Variants in STAG1 observed in about 807,000 individuals in gnomAD.
The protein encoded by STAG1 is STAG1 cohesin complex component.
In STAG1, 26 loss-of-function variants were observed where a neutral mutation model predicts 170.9. The observed-to-expected ratio is 0.15, with a 90% CI of 0.11 to 0.21. The LOEUF (loss-of-function observed/expected upper bound fraction) is 0.21. Ranked by LOEUF, STAG1 falls within the 10% of genes least tolerant of loss-of-function variation. The pLI is 1.00. For missense variants in STAG1, 964 were observed against 1,509.5 expected (o/e 0.64, Z 5.99); for synonymous variants, 514 against 497.7 (o/e 1.03, Z -0.44).
intron 24 of STAG1, among the ~76,000 whole-genome samples, chr3:136,367,925 T>C (rs1318702365): frequency 1.3e-5 from 2 of 152,172 alleles, no homozygotes; most frequent in Non-Finnish European, 1.5e-5. Flanking sequence ...GATGATAACA[T>C]TTGTTTCAGG....
At chr3:136,627,492 T>C (rs1940158574) in intron 2 of STAG1, among the ~76,000 whole-genome samples, 1 of 152,218 alleles carries the variant, frequency 6.6e-6, no homozygotes, top group Non-Finnish European at 1.5e-5. Context: ...TTTAGATTCC[T>C]GAATGGCACT....
chr3:136,456,168 A>T (rs1405794461), intron 13 of STAG1, among the ~76,000 whole-genome samples: 1 of 152,256 alleles, frequency 6.6e-6, no homozygotes, highest in Non-Finnish European at 1.5e-5. Context: ...CAACAGATCC[A>T]GAAAAACTGA....
chr3:136,349,180 T>G lies in STAG1; in HGVS notation c.3249A>C (p.Pro1083=). Reference sequence around the variant, plus strand: ...TACCTTCTACTCGTTTTTTATGAAGTGGAGGTCGTCCTTTCTTATTCCTTA... The same window carrying G: ...TACCTTCTACTCGTTTTTTATGAAGGGGAGGTCGTCCTTTCTTATTCCTTA... ...SSVRNKKGRP[P]LHKKRVEDES... is the part of the protein sequence containing the mutation. The change falls in exon 29 of 34, where the codon CCA becomes CCC. Residue 1083 remains proline (P), a synonymous_variant. Coordinates refer to ENST00000383202, the MANE Select transcript of STAG1 (RefSeq NM_005862.3). 6.2e-7 allele frequency: 1 copy of G among 1,614,094 alleles called. No individual in the cohort carries two copies. Among genetic ancestry groups the G allele is most frequent in the Non-Finnish European group, 8.5e-7 (1 of 1,179,940 alleles).
chr3:136,624,158 G>A (rs1294012001), intron 2 of STAG1, among the ~76,000 whole-genome samples: 1 of 151,654 alleles, frequency 6.6e-6, no homozygotes, highest in Non-Finnish European at 1.5e-5. Context: ...GAGTGCAGTG[G>A]CACAATCTCA....
intron 7 of STAG1, among the ~76,000 whole-genome samples, chr3:136,519,654 C>A (rs952947433): frequency 9.3e-5 from 14 of 150,768 alleles, no homozygotes; most frequent in African/African-American, 2.9e-4. Flanking sequence ...AGAAAAAAAG[C>A]AACGACCAAA....
intron 3 of STAG1, among the ~76,000 whole-genome samples, chr3:136,616,268 C>CA (rs367863678): frequency 2.4e-3 from 292 of 122,000 alleles, no homozygotes; most frequent in South Asian, 6.0e-3. Flanking sequence ...GACTCCGTCT[C>CA]AAAAAAAAAA....
chr3:136,462,018 AT>A (rs2107793154), intron 13 of STAG1, among the ~76,000 whole-genome samples: 1 of 152,288 alleles, frequency 6.6e-6, no homozygotes, highest in African/African-American at 2.4e-5. Context: ...CTCATTTTCA[AT>A]AGCTATTATC....
chr3:136,641,781 TATC>T lies in STAG1; in HGVS notation c.-83-10803_-83-10801del, dbSNP rs1271169714. Among the ~76,000 whole-genome samples the T allele has an allele frequency of 7.2e-5, 11 of 152,330 alleles. No individual in the cohort carries two copies. The East Asian group carries it at 1.3e-3, about 19-fold the overall frequency. ...ATAAGTTCTACATTTTAATTAATAG[TATC>T]ATATCAGTGATTTCTTGACAATTAC... On this transcript the variant is annotated intron_variant, in intron 1 of 33. Transcript: ENST00000383202.
At chr3:136,724,335 G>C (rs564251660) in intron 1 of STAG1, among the ~76,000 whole-genome samples, 12 of 151,858 alleles carry the variant, frequency 7.9e-5, no homozygotes, top group African/African-American at 2.2e-4. Flanking sequence ...AACATGTGCT[G>C]TGTCCACTCA....
At chr3:136,551,007 G>C (rs1936357364) in intron 5 of STAG1, among the ~76,000 whole-genome samples, 1 of 152,084 alleles carries the variant, frequency 6.6e-6, no homozygotes, top group Admixed American at 6.5e-5. Flanking sequence ...CTAGATGCAA[G>C]TGTTTGTCAG....
chr3:136,414,894 C>G (rs1442331650), intron 21 of STAG1, among the ~76,000 whole-genome samples: 7 of 152,042 alleles, frequency 4.6e-5, no homozygotes, highest in Non-Finnish European at 7.4e-5. Context: ...TGTTTTGTCT[C>G]AGGGAATAGG....
chr3:136,563,521 C>T lies in STAG1; in HGVS notation c.394+5244G>A, dbSNP rs541746587. ...CTCTAAACTTTCCGACACACACACA[C>T]GCACGCACGCACAAACTCTCTCTCT... On this transcript the variant is annotated intron_variant, in intron 5 of 33. Transcript: ENST00000383202. Among the ~76,000 whole-genome samples the T allele has an allele frequency of 7.9e-5, 12 of 151,668 alleles. No individual in the cohort carries two copies. In the South Asian group the frequency reaches 1.9e-3, roughly 24 times the overall value.
At chr3:136,341,294 C>G in intron 31 of STAG1, 147 bp downstream of exon 31, 1 of 581,876 alleles carries the variant, frequency 1.7e-6, no homozygotes, top group Non-Finnish European at 3.0e-6. Context: ...GTTAAGAACT[C>G]ACACCCTCCT....
Position 136,377,725 on chromosome 3 carries a change from C to T in STAG1, c.2305G>A (p.Val769Met), listed in dbSNP as rs755737634. ...TGGCAAACAGCCAAAAAGGATTTCA[C>T]CGTTTTCCTCAATACCAACAAATCC... ...KEDLLVLRKT[V>M]KSFLAVCQQC... The change falls in exon 23 of 34, where the codon GTG becomes ATG. Residue 769 changes from valine (V) to methionine (M), a missense_variant. By Grantham distance (21) the Val-to-Met change is conservative. Transcript: ENST00000383202. The T allele has an allele frequency of 6.2e-7, 1 of 1,614,030 alleles. No individual in the cohort carries two copies. The highest frequency in any genetic ancestry group is 1.7e-5 in the Admixed American group (1 of 60,018).
intron 7 of STAG1, among the ~76,000 whole-genome samples, chr3:136,511,904 G>A (rs536734959): frequency 6.9e-4 from 103 of 150,188 alleles, no homozygotes; most frequent in Non-Finnish European, 7.4e-4. Context: ...AGGATGAGCA[G>A]AGAGCATTTA....
chr3:136,575,940 A>G (rs1001224054), intron 4 of STAG1, among the ~76,000 whole-genome samples: 7 of 152,328 alleles, frequency 4.6e-5, no homozygotes, highest in Admixed American at 2.6e-4. Context: ...AAAAGGAAAA[A>G]TAACTTTTGG....
intron 1 of STAG1, among the ~76,000 whole-genome samples, chr3:136,714,265 A>G (rs183161938): frequency 5.1e-4 from 78 of 152,286 alleles, no homozygotes; most frequent in African/African-American, 1.7e-3. Flanking sequence ...CACAGTATTT[A>G]GCAATAAAGA....
intron 12 of STAG1, among the ~76,000 whole-genome samples, chr3:136,465,409 C>A (rs905833602): frequency 6.6e-6 from 1 of 150,854 alleles, no homozygotes. Flanking sequence ...TTAGTAGAAA[C>A]GGGGTTTCGT....
chr3:136,518,355 T>C (rs1239317536), intron 7 of STAG1: 4 of 700,832 alleles, frequency 5.7e-6, no homozygotes, highest in Admixed American at 2.0e-5. Context: ...TCCATGCACA[T>C]AGTCTTTGAA....
Sources: gnomAD v4.1 joint callset for allele counts (sites outside exome capture counted in the v4.1 genomes callset) on GRCh38, gnomAD v4.1.1 for gene constraint, MANE v1.5 for transcripts, NCBI Gene and HGNC (gene_info 2026-07-23, HGNC 2026-07-21) for gene names.